NETO1: variants seen among roughly 807,000 people sequenced by gnomAD.
NETO1 encodes the protein neuropilin and tolloid-like protein 1.
A neutral mutation model predicts 61.3 loss-of-function variants in NETO1; 26 were observed. That is an observed-to-expected ratio of 0.42 (90% confidence interval 0.31 to 0.59). NETO1 has a LOEUF of 0.59. Ranked by LOEUF, NETO1 falls within the 20% of genes least tolerant of loss-of-function variation. The probability of loss-of-function intolerance (pLI) is 0.12; values close to 1 mark genes in which losing one functional copy is unlikely to be tolerated. For synonymous variants in NETO1, 225 were observed against 225.8 expected, an observed-to-expected ratio of 1.00 and a Z score of 0.03; for missense variants, 531 against 662.8, an observed-to-expected ratio of 0.80 and a Z score of 2.18.
chr18:72,743,535 A>G (rs902020362), downstream of NETO1, among the ~76,000 whole-genome samples: 1 of 152,208 alleles, frequency 6.6e-6, no homozygotes, highest in Non-Finnish European at 1.5e-5. Flanking sequence ...ATGATGGCCA[A>G]CACAGCACAT....
chr18:72,857,126 C>T lies in NETO1; in HGVS notation c.469+1700G>A, dbSNP rs536923555. 2.6e-5 allele frequency among the ~76,000 whole-genome samples: 4 copies of T among 152,278 alleles called. No homozygotes were observed. In the South Asian group the frequency reaches 8.3e-4, roughly 32 times the overall value. ...CTCCTTTTTATGGTCCTAGCTTTCC[C>T]TCATATGCCAAATGTAGGTTTCCCC... On this transcript the variant is annotated intron_variant, in intron 4 of 10. Coordinates refer to ENST00000327305, the MANE Select transcript of NETO1 (RefSeq NM_138966.5).
chr18:72,751,758 C>G (rs2070625733), intron 8 of NETO1, among the ~76,000 whole-genome samples: 1 of 152,226 alleles, frequency 6.6e-6, no homozygotes. Flanking sequence ...ACCTGTACCA[C>G]TGTTCCTGCC....
At chr18:72,851,836 T>G (rs2074259921) in intron 4 of NETO1, among the ~76,000 whole-genome samples, 1 of 152,212 alleles carries the variant, frequency 6.6e-6, no homozygotes, top group Non-Finnish European at 1.5e-5. Context: ...GTGATGTAAT[T>G]AAAGTTATAA....
In NETO1 at chr18:72,766,069, T is replaced by C. The variant is rs372498769; in HGVS notation, c.869-9922A>G. ...TAAAAATACAAAAAGTAGACTGGTG[T>C]GGTGGTGCATGTCTGTAATCCCTCT... is the stretch of plus-strand genomic sequence containing the variant. On this transcript the variant is annotated intron_variant, in intron 7 of 10. Coordinates refer to ENST00000327305, the MANE Select transcript of NETO1 (RefSeq NM_138966.5). Among the ~76,000 whole-genome samples, 3 of 151,802 alleles carry C rather than the reference T, an allele frequency of 2.0e-5. No homozygotes were observed. The South Asian group carries it at 6.2e-4, about 32-fold the overall frequency.
intron 4 of NETO1, among the ~76,000 whole-genome samples, chr18:72,842,871 T>C (rs1049254676): frequency 6.6e-6 from 1 of 152,214 alleles, no homozygotes; most frequent in Non-Finnish European, 1.5e-5. Context: ...AAACAATGCG[T>C]ACAAAGTGCT....
At chr18:72,846,968 A>G (rs1342536122) in intron 4 of NETO1, among the ~76,000 whole-genome samples, 6 of 152,240 alleles carry the variant, frequency 3.9e-5, no homozygotes, top group South Asian at 2.1e-4. Flanking sequence ...TTCAGACTGC[A>G]TGGGCAAGCA....
intron 4 of NETO1, chr18:72,834,237 G>A: frequency 1.4e-6 from 1 of 709,524 alleles, no homozygotes; most frequent in Non-Finnish European, 1.7e-6. Flanking sequence ...TGCAAAATAA[G>A]TTTTAACTAT....
intron 4 of NETO1, among the ~76,000 whole-genome samples, chr18:72,852,110 G>T (rs1356129350): frequency 1.3e-5 from 2 of 152,182 alleles, no homozygotes; most frequent in African/African-American, 2.4e-5. Flanking sequence ...ATAGTCCGGC[G>T]ATTAGCCGAT....
At chr18:72,803,299 G>A (rs2072566620) in intron 4 of NETO1, among the ~76,000 whole-genome samples, 1 of 152,202 alleles carries the variant, frequency 6.6e-6, no homozygotes, top group Non-Finnish European at 1.5e-5. Context: ...CTGCATAATA[G>A]TAATCCAATA....
At chr18:72,836,139 G>A (rs560913171) in intron 4 of NETO1, among the ~76,000 whole-genome samples, 10 of 152,216 alleles carry the variant, frequency 6.6e-5, no homozygotes, top group Admixed American at 3.9e-4. Flanking sequence ...TAGACTCACC[G>A]CCTTCTTTTA....
At chr18:72,855,181 A>T (rs1173935415) in intron 4 of NETO1, among the ~76,000 whole-genome samples, 2 of 152,162 alleles carry the variant, frequency 1.3e-5, no homozygotes, top group African/African-American at 4.8e-5. Context: ...CTGAACTGGG[A>T]TAGCATATTG....
chr18:72,793,292 A>C (rs1425596832), intron 6 of NETO1, among the ~76,000 whole-genome samples: 3 of 152,164 alleles, frequency 2.0e-5, no homozygotes, highest in Admixed American at 2.0e-4. Context: ...AGGAGAATGA[A>C]CAAATAACAT....
chr18:72,777,247 G>A (rs905972359), intron 7 of NETO1, among the ~76,000 whole-genome samples: 1 of 151,754 alleles, frequency 6.6e-6, no homozygotes, highest in Non-Finnish European at 1.5e-5. Context: ...GTGAAACCCA[G>A]TCTCTACTAA....
intron 4 of NETO1, among the ~76,000 whole-genome samples, chr18:72,825,913 T>C (rs1189149584): frequency 1.3e-5 from 2 of 152,180 alleles, no homozygotes; most frequent in African/African-American, 4.8e-5. Context: ...GTGTTGAGAT[T>C]TTCTTTGTGA....
At chr18:72,843,417 G>A (rs2073993051) in intron 4 of NETO1, among the ~76,000 whole-genome samples, 1 of 152,074 alleles carries the variant, frequency 6.6e-6, no homozygotes, top group Non-Finnish European at 1.5e-5. Flanking sequence ...CTCAAATCTT[G>A]CAGGACATCT....
At chr18:72,821,012 C>A (rs190781102) in intron 4 of NETO1, among the ~76,000 whole-genome samples, 1 of 152,022 alleles carries the variant, frequency 6.6e-6, no homozygotes, top group Non-Finnish European at 1.5e-5. Context: ...GACAGAAAAT[C>A]TCCTAATTAG....
chr18:72,843,667 C>T (rs773886724), intron 4 of NETO1, among the ~76,000 whole-genome samples: 7 of 152,028 alleles, frequency 4.6e-5, no homozygotes, highest in Admixed American at 6.6e-5. Flanking sequence ...AAGTAGCTAC[C>T]GCCATAATTC....
chr18:72,804,773 T>C (rs2072620079), intron 4 of NETO1, among the ~76,000 whole-genome samples: 1 of 152,180 alleles, frequency 6.6e-6, no homozygotes, highest in African/African-American at 2.4e-5. Context: ...GCTTTAATAC[T>C]GTGATATTTT....
chr18:72,813,653 T>TAATTGCAATAAA (rs2072937706), intron 4 of NETO1, among the ~76,000 whole-genome samples: 1 of 152,072 alleles, frequency 6.6e-6, no homozygotes. Flanking sequence ...AAAATCACAG[T>TAATTGCAATAAA]AATTGCAATA....
Sources: allele counts gnomAD v4.1 joint callset (sites outside exome capture counted in the v4.1 genomes callset), GRCh38; gene constraint gnomAD v4.1.1; transcripts MANE v1.5; gene names NCBI Gene and HGNC (gene_info 2026-07-23, HGNC 2026-07-21).